MPP7: variants seen among roughly 807,000 people sequenced by gnomAD.
MPP7 encodes MAGUK p55 scaffold protein 7.
MPP7 carries 60 observed loss-of-function variants against 76.5 expected under a neutral mutation model. The ratio of observed to expected loss-of-function variants is 0.78; its 90% CI spans 0.64 to 0.97. The LOEUF (loss-of-function observed/expected upper bound fraction) is 0.97, where lower values mean the gene tolerates loss of function less well. Ranked by LOEUF, MPP7 falls within the 50% of genes least tolerant of loss-of-function variation. The pLI, the probability that MPP7 is intolerant of heterozygous loss-of-function variation, is 0.00. For synonymous variants in MPP7, 237 were observed against 244.5 expected, an observed-to-expected ratio of 0.97 and a Z score of 0.29; for missense variants, 641 against 694.0, an observed-to-expected ratio of 0.92 and a Z score of 0.86.
intron 2 of MPP7, among the ~76,000 whole-genome samples, chr10:28,229,463 A>T (rs1838804493): frequency 6.6e-6 from 1 of 152,264 alleles, no homozygotes; most frequent in Non-Finnish European, 1.5e-5. Flanking sequence ...CCTTCAAAAC[A>T]GGAAATTCTA....
chr10:28,153,198 G>A (rs1327739715), intron 3 of MPP7, among the ~76,000 whole-genome samples: 1 of 149,558 alleles, frequency 6.7e-6, no homozygotes, highest in African/African-American at 2.5e-5. Context: ...AGGTTGCAGT[G>A]AGCCGAGATC....
intron 4 of MPP7, among the ~76,000 whole-genome samples, chr10:28,148,073 G>A (rs2133765048): frequency 6.6e-6 from 1 of 152,240 alleles, no homozygotes; most frequent in Non-Finnish European, 1.5e-5. Context: ...CAAATGGCCT[G>A]AAACTTTTAT....
chr10:28,076,519 A>G (rs1194264880), intron 12 of MPP7, among the ~76,000 whole-genome samples: 1 of 151,240 alleles, frequency 6.6e-6, no homozygotes, highest in African/African-American at 2.4e-5. Flanking sequence ...ACCCAATTAT[A>G]TATGTTCCCA....
intron 2 of MPP7, among the ~76,000 whole-genome samples, chr10:28,311,277 G>A (rs1169305729): frequency 6.6e-6 from 1 of 152,162 alleles, no homozygotes; most frequent in Non-Finnish European, 1.5e-5. Flanking sequence ...ACTTCTGTAT[G>A]TAAACTGAGA....
chr10:28,182,935 G>A (rs576453862), intron 3 of MPP7, among the ~76,000 whole-genome samples: 28 of 152,226 alleles, frequency 1.8e-4, no homozygotes, highest in African/African-American at 6.3e-4. Context: ...AAAATCAGCC[G>A]GGCGTGATGG....
At chr10:28,171,288 G>A (rs949579841) in intron 3 of MPP7, among the ~76,000 whole-genome samples, 4 of 152,146 alleles carry the variant, frequency 2.6e-5, no homozygotes, top group Admixed American at 1.3e-4. Flanking sequence ...CATGTTCTGT[G>A]AGCAAAAGAA....
At chr10:28,140,591 G>A (rs1299407704) in intron 5 of MPP7, among the ~76,000 whole-genome samples, 1 of 152,138 alleles carries the variant, frequency 6.6e-6, no homozygotes, top group East Asian at 1.9e-4. Context: ...TTTCTGGTAT[G>A]CAGAGCAAGA....
At chr10:28,072,368 AT>A (rs1852279746) in intron 12 of MPP7, among the ~76,000 whole-genome samples, 1 of 151,798 alleles carries the variant, frequency 6.6e-6, no homozygotes, top group Non-Finnish European at 1.5e-5. Context: ...CACAGGCTGC[AT>A]CATCTCCTCA....
At chr10:28,149,853 T>A (rs1835821842) in intron 4 of MPP7, 129 bp downstream of exon 4, 1 of 552,134 alleles carries the variant, frequency 1.8e-6, no homozygotes, top group East Asian at 3.1e-5. Context: ...ACAGGACTTT[T>A]GGAAACATTT....
chr10:28,123,234 T>C (rs1834900216), intron 8 of MPP7, among the ~76,000 whole-genome samples: 1 of 152,198 alleles, frequency 6.6e-6, no homozygotes, highest in Non-Finnish European at 1.5e-5. Flanking sequence ...CTTCCTTTTA[T>C]CTTACAAATG....
chr10:28,160,230 G>A (rs528185367), intron 3 of MPP7, among the ~76,000 whole-genome samples: 1 of 152,012 alleles, frequency 6.6e-6, no homozygotes, highest in African/African-American at 2.4e-5. Context: ...ACAGCTACTT[G>A]TCCTCTGCTA....
At chr10:28,264,997 T>C (rs569423282) in intron 1 of MPP7, among the ~76,000 whole-genome samples, 53 of 152,106 alleles carry the variant, frequency 3.5e-4, no homozygotes, top group Non-Finnish European at 6.3e-4. Context: ...TTAGTGGAGA[T>C]TATAGGGTAG....
intron 6 of MPP7, among the ~76,000 whole-genome samples, chr10:28,129,838 T>A (rs1179229826): frequency 6.6e-6 from 1 of 152,170 alleles, no homozygotes; most frequent in Non-Finnish European, 1.5e-5. Flanking sequence ...TAAGTAAGCA[T>A]CTCAGGTCAT....
At position 28,202,145 on chromosome 10, in the gene MPP7, T is replaced by C. The variant is rs1426421957; in HGVS notation, c.156+8A>G. The C allele has an allele frequency of 1.9e-6, 3 of 1,576,536 alleles. No homozygotes were observed. Among genetic ancestry groups the C allele is most frequent in the Non-Finnish European group, 1.7e-6 (2 of 1,147,194 alleles). ...TCGCAAAGAGAATCTGACATCAGCATGGTTTACCTTTACCAATGAATGCAG... is the reference window on the plus strand; with the variant it reads ...TCGCAAAGAGAATCTGACATCAGCACGGTTTACCTTTACCAATGAATGCAG... On this transcript the variant is annotated splice_region_variant and intron_variant, in intron 3 of 16. Transcript: ENST00000683449.
intron 11 of MPP7, among the ~76,000 whole-genome samples, chr10:28,101,146 G>C (rs1232339511): frequency 6.6e-6 from 1 of 152,090 alleles, no homozygotes; most frequent in Non-Finnish European, 1.5e-5. Flanking sequence ...ATATTTCCAA[G>C]TAGTATTCCA....
At chr10:28,154,614 T>C (rs1337279206) in intron 3 of MPP7, among the ~76,000 whole-genome samples, 1 of 152,212 alleles carries the variant, frequency 6.6e-6, no homozygotes, top group Non-Finnish European at 1.5e-5. Flanking sequence ...GTTGAAAATG[T>C]AGTGATACTA....
intron 1 of MPP7, among the ~76,000 whole-genome samples, chr10:28,262,568 C>T (rs886276767): frequency 6.6e-5 from 10 of 151,890 alleles, no homozygotes; most frequent in African/African-American, 9.7e-5. Context: ...GGCCTTTGGC[C>T]CTTTGGAAGC....
chr10:28,313,866 T>C (rs946620358), intron 2 of MPP7, among the ~76,000 whole-genome samples: 3 of 98,300 alleles, frequency 3.1e-5, no homozygotes, highest in Non-Finnish European at 3.8e-5. Context: ...TTTTTTTTTT[T>C]ATTTTTTTTA....
chr10:28,148,362 A>AAGAC (rs1052471799), intron 4 of MPP7, among the ~76,000 whole-genome samples: 5 of 152,196 alleles, frequency 3.3e-5, no homozygotes, highest in African/African-American at 1.2e-4. Flanking sequence ...TTAAAAAAGC[A>AAGAC]AGACTCAAAC....
Sources: allele counts gnomAD v4.1 joint callset (sites outside exome capture counted in the v4.1 genomes callset), GRCh38; gene constraint gnomAD v4.1.1; transcripts MANE v1.5; gene names NCBI Gene and HGNC (gene_info 2026-07-23, HGNC 2026-07-21).